The following SIPA1L1 variants were observed in gnomAD, a reference collection of about 807,000 sequenced individuals.
The protein encoded by SIPA1L1 is signal-induced proliferation-associated 1-like protein 1.
SIPA1L1 carries 26 observed loss-of-function variants against 162.7 expected under a neutral mutation model. That is an observed-to-expected ratio of 0.16 (90% CI 0.12 to 0.22). The LOEUF (loss-of-function observed/expected upper bound fraction) is 0.22. SIPA1L1 is among the 10% of genes least tolerant of loss of function. The probability of loss-of-function intolerance (pLI) is 1.00; values close to 1 mark genes in which losing one functional copy is unlikely to be tolerated. For synonymous variants in SIPA1L1, 829 were observed against 837.4 expected, an observed-to-expected ratio of 0.99 and a Z score of 0.17; for missense variants, 1,874 against 2,241.0, an observed-to-expected ratio of 0.84 and a Z score of 3.31.
intron 2 of SIPA1L1, among the ~76,000 whole-genome samples, chr14:71,507,128 T>C (rs1016748939): frequency 6.6e-6 from 1 of 152,244 alleles, no homozygotes; most frequent in Non-Finnish European, 1.5e-5. Context: ...CTAGGTTAAA[T>C]GGGCCTTTTT....
intron 4 of SIPA1L1, among the ~76,000 whole-genome samples, chr14:71,562,880 C>T (rs2056904003): frequency 6.6e-6 from 1 of 152,168 alleles, no homozygotes; most frequent in Non-Finnish European, 1.5e-5. Flanking sequence ...GTCTTGAGCT[C>T]CTGACCTCAA....
At chr14:71,322,068 C>T (rs1176707700) in intron 2 of SIPA1L1, among the ~76,000 whole-genome samples, 1 of 152,208 alleles carries the variant, frequency 6.6e-6, no homozygotes, top group Admixed American at 6.5e-5. Context: ...GTGAAACGAT[C>T]ATGTTTCTAA....
chr14:71,640,078 AT>A (rs1404197323), intron 7 of SIPA1L1, among the ~76,000 whole-genome samples: 1 of 151,900 alleles, frequency 6.6e-6, no homozygotes, highest in Non-Finnish European at 1.5e-5. Context: ...TAATTTTTGT[AT>A]TTTTAGTAGA....
At chr14:71,579,609 T>C (rs1344990570) in intron 4 of SIPA1L1, among the ~76,000 whole-genome samples, 2 of 152,252 alleles carry the variant, frequency 1.3e-5, no homozygotes, top group Non-Finnish European at 2.9e-5. Context: ...AAGGACATGC[T>C]AAGGCAATGT....
chr14:71,397,176 T>C (rs2041271469), intron 2 of SIPA1L1, among the ~76,000 whole-genome samples: 1 of 152,208 alleles, frequency 6.6e-6, no homozygotes, highest in Non-Finnish European at 1.5e-5. Context: ...GCAGTTTCTT[T>C]CTTTGGACAA....
At chr14:71,700,805 T>C (rs1025513775) in intron 14 of SIPA1L1, among the ~76,000 whole-genome samples, 2 of 151,842 alleles carry the variant, frequency 1.3e-5, no homozygotes, top group South Asian at 2.1e-4. Context: ...TCATCCTGGC[T>C]AACATGGTGA....
intron 20 of SIPA1L1, among the ~76,000 whole-genome samples, chr14:71,731,873 C>T (rs181153567): frequency 6.6e-6 from 1 of 152,338 alleles, no homozygotes; most frequent in Admixed American, 6.5e-5. Context: ...CACCCCCTAA[C>T]CAGGCAGTCC....
At chr14:71,449,810 C>T (rs2045681545) in intron 2 of SIPA1L1, among the ~76,000 whole-genome samples, 1 of 152,110 alleles carries the variant, frequency 6.6e-6, no homozygotes, top group Non-Finnish European at 1.5e-5. Context: ...ATTTGTTCTG[C>T]TATATGAGCT....
intron 4 of SIPA1L1, chr14:71,573,752 C>G (rs1175797598): frequency 2.2e-6 from 1 of 456,340 alleles, no homozygotes; most frequent in Admixed American, 2.4e-5. Flanking sequence ...TCCATTATCT[C>G]TAGCGACATG....
chr14:71,460,128 A>T (rs1274888271), intron 2 of SIPA1L1, among the ~76,000 whole-genome samples: 1 of 152,220 alleles, frequency 6.6e-6, no homozygotes, highest in African/African-American at 2.4e-5. Context: ...ATGCACAAAC[A>T]TGTTTTTAAC....
chr14:71,422,133 T>A (rs58851135), intron 2 of SIPA1L1, among the ~76,000 whole-genome samples: 1 of 152,342 alleles, frequency 6.6e-6, no homozygotes, highest in South Asian at 2.1e-4. Context: ...GAAAGAGATA[T>A]GTGTGTTGGC....
intron 2 of SIPA1L1, among the ~76,000 whole-genome samples, chr14:71,416,646 T>G (rs1474671313): frequency 1.3e-5 from 2 of 151,868 alleles, no homozygotes; most frequent in African/African-American, 2.4e-5. Context: ...AAGTGTATAC[T>G]TCCTTCCTAA....
intron 4 of SIPA1L1, among the ~76,000 whole-genome samples, chr14:71,560,156 T>G (rs1377673260): frequency 6.6e-6 from 1 of 152,254 alleles, no homozygotes; most frequent in African/African-American, 2.4e-5. Flanking sequence ...AAAATTAAAT[T>G]GTTAAGTATT....
chr14:71,675,610 C>G (rs927586973), intron 12 of SIPA1L1, among the ~76,000 whole-genome samples: 2 of 152,124 alleles, frequency 1.3e-5, no homozygotes, highest in African/African-American at 2.4e-5. Context: ...TTTTTTTCTT[C>G]TCCTCCGCAC....
At chr14:71,365,848 C>A (rs1243068689) in intron 2 of SIPA1L1, among the ~76,000 whole-genome samples, 2 of 151,578 alleles carry the variant, frequency 1.3e-5, no homozygotes, top group African/African-American at 2.4e-5. Flanking sequence ...ACCTCAGCCT[C>A]CTGAGTAGCT....
At chr14:71,646,346 T>G (rs1292335879) in intron 7 of SIPA1L1, among the ~76,000 whole-genome samples, 1 of 152,066 alleles carries the variant, frequency 6.6e-6, no homozygotes, top group Admixed American at 6.5e-5. Flanking sequence ...CCGGCTAATT[T>G]TTTGTATTTT....
At chr14:71,417,428 C>T (rs1199377481) in intron 2 of SIPA1L1, among the ~76,000 whole-genome samples, 69 of 117,520 alleles carry the variant, frequency 5.9e-4, no homozygotes, top group South Asian at 1.2e-3. Context: ...GCCGAGATTG[C>T]GCCACTGCAC....
chr14:71,631,260 T>TA (rs1289848540), intron 7 of SIPA1L1, among the ~76,000 whole-genome samples: 1 of 152,176 alleles, frequency 6.6e-6, no homozygotes, highest in Admixed American at 6.5e-5. Flanking sequence ...ATACAAGATA[T>TA]AACAGGCTGT....
intron 5 of SIPA1L1, chr14:71,598,137 A>G (rs1425284362): frequency 1.2e-6 from 1 of 814,852 alleles, no homozygotes; most frequent in African/African-American, 1.9e-5. Context: ...TCAGGAAATG[A>G]CATTACAGAC....
Sources: gnomAD v4.1 joint callset for allele counts (sites outside exome capture counted in the v4.1 genomes callset) on GRCh38, gnomAD v4.1.1 for gene constraint, MANE v1.5 for transcripts, NCBI Gene and HGNC (gene_info 2026-07-23, HGNC 2026-07-21) for gene names.